Variants in SH3RF2 observed in about 807,000 individuals in gnomAD.
SH3RF2 encodes the protein SH3 domain containing ring finger 2.
A neutral mutation model predicts 59.0 loss-of-function variants in SH3RF2; 43 were observed. That is an observed-to-expected ratio of 0.73 (90% CI 0.57 to 0.94). The LOEUF is 0.94. Among genes scored for constraint, SH3RF2 ranks in the 40% least tolerant of loss-of-function variants. The pLI is 0.00. For missense variants in SH3RF2, 930 were observed against 940.1 expected (o/e 0.99, Z 0.14); for synonymous variants, 391 against 391.5 (o/e 1.00, Z 0.01).
At chr5:146,027,342 C>T (rs1032886692) in intron 5 of SH3RF2, among the ~76,000 whole-genome samples, 2 of 152,222 alleles carry the variant, frequency 1.3e-5, no homozygotes, top group Non-Finnish European at 2.9e-5. Flanking sequence ...ACACACCTCG[C>T]AGTTTTTTCT....
intron 5 of SH3RF2, among the ~76,000 whole-genome samples, chr5:146,020,464 T>G (rs1761276692): frequency 6.6e-6 from 1 of 152,208 alleles, no homozygotes; most frequent in Non-Finnish European, 1.5e-5. Context: ...TGGAATTTAT[T>G]TTTGTTGCAT....
At chr5:146,012,199 G>A (rs1233611204) in intron 4 of SH3RF2, among the ~76,000 whole-genome samples, 3 of 152,056 alleles carry the variant, frequency 2.0e-5, no homozygotes, top group East Asian at 1.9e-4. Context: ...ATTTGCGTAT[G>A]TTGAACCAGC....
At chr5:145,938,436 T>C (rs1214750597) in intron 2 of SH3RF2, 130 bp downstream of exon 2, 3 of 1,095,308 alleles carry the variant, frequency 2.7e-6, no homozygotes, top group Non-Finnish European at 3.7e-6. Flanking sequence ...GATAAGTTTC[T>C]GTGGGCAGTG....
At chr5:146,032,843 G>C (rs778500277) in intron 5 of SH3RF2, among the ~76,000 whole-genome samples, 35 of 152,176 alleles carry the variant, frequency 2.3e-4, no homozygotes, top group Admixed American at 1.6e-3. Flanking sequence ...AGCAAATGAG[G>C]CACAGGGAGC....
chr5:146,072,161 G>A (rs7714052), intron 9 of SH3RF2, among the ~76,000 whole-genome samples: 3,742 of 152,260 alleles, frequency 0.025, 150 homozygotes, highest in African/African-American at 0.085. Context: ...TCAGCTATCT[G>A]ACCTTGAACC....
At chr5:145,956,534 C>T (rs553517632) in intron 2 of SH3RF2, among the ~76,000 whole-genome samples, 1 of 152,310 alleles carries the variant, frequency 6.6e-6, no homozygotes, top group African/African-American at 2.4e-5. Flanking sequence ...CCTCAGCCCC[C>T]CAAAGTGCTG....
At chr5:145,949,615 C>T (rs1758118731) in intron 2 of SH3RF2, among the ~76,000 whole-genome samples, 2 of 152,122 alleles carry the variant, frequency 1.3e-5, no homozygotes, top group Non-Finnish European at 2.9e-5. Flanking sequence ...GTGGTGAATT[C>T]CCACAGCTGA....
chr5:146,059,936 C>T lies in SH3RF2; in HGVS notation c.1626C>T (p.Pro542=). 1 of 1,523,570 alleles carries T rather than the reference C, an allele frequency of 6.6e-7. No individual in the cohort carries two copies. The highest frequency in any genetic ancestry group is 8.8e-7 in the Non-Finnish European group (1 of 1,136,168). 94.4% of individuals were successfully genotyped at this position (1,523,570 alleles called of 1,614,324 possible). Residue 542 remains proline (P), a synonymous_variant, in exon 9 of 10, where the codon CCC becomes CCT. Transcript: ENST00000359120. ...TLVVGSLRRS[P]TMVLRPQQFQ... ...TGGTAGGCTCCCTCAGACGCAGCCC[C>T]ACCATGGTCCTTCGGCCTCAGCAGT...
rs146545744 is a variant in SH3RF2, at chr5:145,961,326, T to C, written c.378+23020T>C. Among the ~76,000 whole-genome samples, 101 of 152,280 alleles carry C rather than the reference T, an allele frequency of 6.6e-4. 1 individual carries two copies. The highest frequency in any genetic ancestry group is 5.8e-3 in the South Asian group (28 of 4,816). On this transcript the variant is annotated intron_variant, in intron 2 of 9. Transcript: ENST00000359120. ...AATGTGGTGACTAATTAGAATTTTC[T>C]TCCTTCTCGGGAAGGTACATTCTTT... is the stretch of plus-strand genomic sequence containing the variant.
At chr5:145,989,708 ACCAGG>A (rs1195028238) in intron 2 of SH3RF2, among the ~76,000 whole-genome samples, 1 of 152,176 alleles carries the variant, frequency 6.6e-6, no homozygotes, top group Non-Finnish European at 1.5e-5. Context: ...AGTAGAGAGA[ACCAGG>A]CCAACCTTTC....
At position 146,057,966 on chromosome 5, in the gene SH3RF2, CTCTA is replaced by C. The variant is rs1554120846; in HGVS notation, c.1555+1771_1555+1774del. On this transcript the variant is annotated intron_variant, in intron 8 of 9. Transcript: ENST00000359120. ...TCTCTCTCTCTCTCTCTCTCTCTCT[CTCTA>C]TCTATCTATCTATCTATATATATAT... 8.1e-3 allele frequency among the ~76,000 whole-genome samples: 591 copies of C among 72,918 alleles called. 4 individuals are homozygous for C. The highest frequency in any genetic ancestry group is 0.015 in the Middle Eastern group (3 of 200). 47.8% of individuals were successfully genotyped at this position (72,918 alleles called of 152,430 possible).
chr5:145,958,332 C>A (rs921534097), intron 2 of SH3RF2, among the ~76,000 whole-genome samples: 1 of 152,032 alleles, frequency 6.6e-6, no homozygotes, highest in African/African-American at 2.4e-5. Flanking sequence ...CCTGAATGGC[C>A]CCAGCTGGGA....
At chr5:145,957,696 T>TA (rs920124772) in intron 2 of SH3RF2, among the ~76,000 whole-genome samples, 7 of 151,636 alleles carry the variant, frequency 4.6e-5, no homozygotes, top group South Asian at 2.1e-4. Context: ...ACTATAACAT[T>TA]AAAAAAAACG....
chr5:145,943,439 A>G (rs1357305188), intron 2 of SH3RF2, among the ~76,000 whole-genome samples: 1 of 152,248 alleles, frequency 6.6e-6, no homozygotes, highest in African/African-American at 2.4e-5. Flanking sequence ...GTTAAAATTT[A>G]TACAAATAAA....
chr5:145,968,081 T>A (rs1758932666), intron 2 of SH3RF2, among the ~76,000 whole-genome samples: 1 of 152,220 alleles, frequency 6.6e-6, no homozygotes. Context: ...ATGTATAGTT[T>A]CCTGGGAGAA....
chr5:146,026,907 G>A (rs1262314662), intron 5 of SH3RF2, among the ~76,000 whole-genome samples: 1 of 152,182 alleles, frequency 6.6e-6, no homozygotes, highest in Non-Finnish European at 1.5e-5. Flanking sequence ...ATGAGATAAT[G>A]GCCAGGGTTT....
intron 5 of SH3RF2, among the ~76,000 whole-genome samples, chr5:146,031,950 C>T (rs1269554848): frequency 6.6e-6 from 1 of 152,136 alleles, no homozygotes; most frequent in Non-Finnish European, 1.5e-5. Context: ...GATGCATGCT[C>T]CAGGGGTAAG....
In SH3RF2 at chr5:146,059,963, C is replaced by G; in HGVS notation, c.1653C>G (p.Phe551Leu). ...CCATGGTCCTTCGGCCTCAGCAGTTCCAATTCTACCAGCCACAGGGGATCC... is the reference window on the plus strand; with the variant it reads ...CCATGGTCCTTCGGCCTCAGCAGTTGCAATTCTACCAGCCACAGGGGATCC... ...SPTMVLRPQQ[F>L]QFYQPQGIPS... Residue 551 changes from phenylalanine (F) to leucine (L), a missense_variant, in exon 9 of 10, where the codon TTC (phenylalanine) becomes TTG (leucine). Phe to Leu is a conservative substitution (Grantham distance 22). Transcript: ENST00000359120. The G allele has an allele frequency of 6.4e-7, 1 of 1,561,670 alleles. No homozygotes were observed.
rs80066597 is a variant in SH3RF2 at position 145,967,564 on chromosome 5, G to A, written c.378+29258G>A. On this transcript the variant is annotated intron_variant, in intron 2 of 9. Coordinates refer to ENST00000359120, the MANE Select transcript of SH3RF2 (RefSeq NM_152550.4). ...CCAGGTCTGCCTAATGCTTGGTGCAGGTTCTTGACCACAACGTGGGACTGT... is the reference window on the plus strand; with the variant it reads ...CCAGGTCTGCCTAATGCTTGGTGCAAGTTCTTGACCACAACGTGGGACTGT... Among the ~76,000 whole-genome samples, 238 of 152,316 alleles carry A rather than the reference G, an allele frequency of 1.6e-3. 1 individual carries two copies. Among genetic ancestry groups the A allele is most frequent in the African/African-American group, 5.5e-3 (229 of 41,572 alleles).
Sources: gnomAD v4.1 joint callset for allele counts (sites outside exome capture counted in the v4.1 genomes callset) on GRCh38, gnomAD v4.1.1 for gene constraint, MANE v1.5 for transcripts, NCBI Gene and HGNC (gene_info 2026-07-23, HGNC 2026-07-21) for gene names.